ZNF225: variants seen among roughly 807,000 people sequenced by gnomAD.
The protein encoded by ZNF225 is zinc finger protein 225.
A neutral mutation model predicts 12.0 loss-of-function variants in ZNF225; 6 were observed. The ratio of observed to expected loss-of-function variants is 0.50; its 90% confidence interval spans 0.27 to 0.98. The LOEUF (loss-of-function observed/expected upper bound fraction) is 0.98. Ranked by LOEUF, ZNF225 falls within the 50% of genes least tolerant of loss-of-function variation. The pLI, the probability that ZNF225 is intolerant of heterozygous loss-of-function variation, is 0.11. For synonymous variants in ZNF225, 271 were observed against 283.2 expected, an observed-to-expected ratio of 0.96 and a Z score of 0.43; for missense variants, 763 against 848.2, an observed-to-expected ratio of 0.90 and a Z score of 1.25.
In ZNF225 at chr19:44,132,251, G is replaced by T; in HGVS notation, c.1637G>T (p.Gly546Val). Residue 546 changes from glycine (G) to valine (V), a missense_variant, in exon 5 of 5, where the codon GGG (glycine) becomes GTG (valine). Physicochemically the swap from Gly to Val is moderately radical, Grantham distance 109. Transcript: ENST00000262894. ...AAGCCATACAAATGTGAAGAGTGTG[G>T]GAAGGGCTTCAACAGTAAGTTTAAT... ...GVKPYKCEEC[G>V]KGFNSKFNLD... 6.2e-7 allele frequency: 1 copy of T among 1,614,040 alleles called. No homozygotes were observed. Among genetic ancestry groups the T allele is most frequent in the Non-Finnish European group, 8.5e-7 (1 of 1,180,024 alleles).
rs145291466 is a variant in ZNF225 at position 44,132,021 on chromosome 19, G to A, written c.1407G>A (p.Ser469=). Reference sequence around the variant, plus strand: ...GTGGGAAGAGCTTTGGCTGGGCCTCGTGTCTTTTGAATCATCAGAGAATCC... The same window carrying A: ...GTGGGAAGAGCTTTGGCTGGGCCTCATGTCTTTTGAATCATCAGAGAATCC... ...KECGKSFGWA[S]CLLNHQRIHS... Residue 469 remains serine (S), a synonymous_variant, in exon 5 of 5, where the codon TCG becomes TCA. Transcript: ENST00000262894. 342 of 1,611,086 alleles carry A rather than the reference G, an allele frequency of 2.1e-4. No homozygotes were observed. The African/African-American group carries it at 4.0e-3, about 19-fold the overall frequency.
At chr19:44,113,334 C>T (rs546631411), upstream of ZNF225, 3 of 152,302 alleles carry the variant, frequency 2.0e-5, no homozygotes, top group Non-Finnish European at 4.4e-5. Flanking sequence ...AAGTGTAGTC[C>T]AGACGCTCGG....
chr19:44,121,099 G>A (rs891604136), intron 4 of ZNF225, among the ~76,000 whole-genome samples: 11 of 151,982 alleles, frequency 7.2e-5, no homozygotes, highest in Admixed American at 4.6e-4. Flanking sequence ...GGGTTTTACC[G>A]TGTTAGCCAG....
intron 4 of ZNF225, among the ~76,000 whole-genome samples, chr19:44,119,570 T>C (rs1968012915): frequency 6.6e-6 from 1 of 152,214 alleles, no homozygotes; most frequent in Non-Finnish European, 1.5e-5. Flanking sequence ...ACTCTGCCAC[T>C]CTTCTTATGC....
At position 44,131,518 on chromosome 19, in the gene ZNF225, A is replaced by G; in HGVS notation, c.904A>G (p.Asn302Asp). Residue 302 changes from asparagine to aspartate, a missense_variant, in exon 5 of 5, where the codon AAT becomes GAT. Physicochemically the swap from Asn to Asp is conservative, Grantham distance 23. Coordinates refer to ENST00000262894, the MANE Select transcript of ZNF225 (RefSeq NM_013362.4). ...ICCKSFRSRANLNRHSMVHMR... is the reference protein window; with the variant it reads ...ICCKSFRSRADLNRHSMVHMR... Reference sequence around the variant, plus strand: ...TTGTAAGAGCTTCCGTAGTAGAGCAAATCTTAATAGGCATTCCATGGTTCA... The same window carrying G: ...TTGTAAGAGCTTCCGTAGTAGAGCAGATCTTAATAGGCATTCCATGGTTCA... The G allele has an allele frequency of 3.7e-6, 6 of 1,614,146 alleles. No individual in the cohort carries two copies. Among genetic ancestry groups the G allele is most frequent in the Non-Finnish European group, 5.1e-6 (6 of 1,180,008 alleles).
chr19:44,122,670 C>G (rs1968077333), intron 4 of ZNF225, among the ~76,000 whole-genome samples: 1 of 152,142 alleles, frequency 6.6e-6, no homozygotes. Context: ...TGTATGATTT[C>G]TTTCAGCAGC....
In ZNF225 at chr19:44,131,033, TA is replaced by T. The variant is rs768327804; in HGVS notation, c.421del (p.Ile141PhefsTer3). On this transcript the variant is annotated frameshift_variant, in exon 5 of 5. Transcript: ENST00000262894. LOFTEE classifies it low-confidence loss of function (END_TRUNC). ...TGCCAGGTTGATGCAGGACTATCTA[TA>T]ATTCACGTAAGACAGAAACCTTCTG... ...MPCQVDAGLSIIHVRQKPSEG... is the reference protein window; with the variant it reads ...MPCQVDAGLSXIHVRQKPSEG... 4 of 1,613,966 alleles carry T rather than the reference TA, an allele frequency of 2.5e-6. No individual in the cohort carries two copies. The East Asian group carries it at 8.9e-5, about 36-fold the overall frequency.
chr19:44,114,807 G>T (rs564290678), intron 1 of ZNF225, among the ~76,000 whole-genome samples: 1 of 152,344 alleles, frequency 6.6e-6, no homozygotes, highest in Admixed American at 6.5e-5. Context: ...ACCGTGCCCA[G>T]CCTGAAGTGG....
rs775673893 is a variant in ZNF225 at position 44,131,970 on chromosome 19, A to G, written c.1356A>G (p.Gly452=). 9.3e-6 allele frequency: 15 copies of G among 1,613,752 alleles called. No homozygotes were observed. In the Admixed American group the frequency reaches 2.3e-4, roughly 25 times the overall value. The part of the protein sequence containing the change: ...DLDFHQRVHR[G]EKPYNCKECG... ...ACTTTCATCAGAGGGTCCACAGAGG[A>G]GAGAAACCCTATAATTGTAAGGAAT... Residue 452 remains glycine, a synonymous_variant, in exon 5 of 5, where the codon GGA becomes GGG. Transcript: ENST00000262894.
intron 4 of ZNF225, among the ~76,000 whole-genome samples, chr19:44,126,969 C>T (rs1487401636): frequency 6.6e-6 from 1 of 152,240 alleles, no homozygotes; most frequent in Non-Finnish European, 1.5e-5. Context: ...TACCACCTCT[C>T]AGCTGCAAAA....
At position 44,127,734 on chromosome 19, in the gene ZNF225, G is replaced by A. The variant is rs532990432; in HGVS notation, c.236-3116G>A. Among the ~76,000 whole-genome samples, 11 of 152,040 alleles carry A rather than the reference G, an allele frequency of 7.2e-5. No homozygotes were observed. The East Asian group carries it at 1.4e-3, about 19-fold the overall frequency. Reference sequence around the variant, plus strand: ...GCCATGTCGGCTCACTGTAGCCTCCGTGTCCCGGGTTCAAGTGATTCTCCT... The same window carrying A: ...GCCATGTCGGCTCACTGTAGCCTCCATGTCCCGGGTTCAAGTGATTCTCCT... On this transcript the variant is annotated intron_variant, in intron 4 of 4. Transcript: ENST00000262894.
chr19:44,112,623 T>C (rs1967854876), upstream of ZNF225, among the ~76,000 whole-genome samples: 1 of 152,208 alleles, frequency 6.6e-6, no homozygotes, highest in Non-Finnish European at 1.5e-5. Flanking sequence ...TGAGCAATAT[T>C]TGATACAATG....
In ZNF225 at chr19:44,115,942, A is replaced by T. The variant is rs891892201; in HGVS notation, c.15+100A>T. On this transcript the variant is annotated intron_variant, in intron 2 of 4. Transcript: ENST00000262894. ...AGTGGCCTGATTTTGGCTCATTGCAACCTCCACCTCCGGAGTTCAAGTGAT... is the reference window on the plus strand; with the variant it reads ...AGTGGCCTGATTTTGGCTCATTGCATCCTCCACCTCCGGAGTTCAAGTGAT... 47 of 1,195,194 alleles carry T rather than the reference A, an allele frequency of 3.9e-5. No individual in the cohort carries two copies. In the African/African-American group the frequency reaches 7.0e-4, roughly 18 times the overall value. 74.0% of individuals were successfully genotyped at this position (1,195,194 alleles called of 1,614,324 possible).
chr19:44,115,748 G>T lies in ZNF225; in HGVS notation c.-68-12G>T. 1 of 1,437,628 alleles carries T rather than the reference G, an allele frequency of 7.0e-7. No homozygotes were observed. 89.1% of individuals were successfully genotyped at this position (1,437,628 alleles called of 1,614,324 possible). A position where few individuals can be genotyped will look rare whatever the true frequency, so the allele number is the denominator to read the frequency against. Reference sequence around the variant, plus strand: ...TCATGTCTCTTTTTCTGCCTTCCCTGGTACTTTCCAGGCAGGATTCTGCTT... The same window carrying T: ...TCATGTCTCTTTTTCTGCCTTCCCTTGTACTTTCCAGGCAGGATTCTGCTT... On this transcript the variant is annotated splice_polypyrimidine_tract_variant and intron_variant, in intron 1 of 4. Transcript: ENST00000262894.
chr19:44,112,700 C>T (rs1452173823), upstream of ZNF225: 1 of 152,124 alleles, frequency 6.6e-6, no homozygotes, highest in Non-Finnish European at 1.5e-5. Context: ...GAAATGTGGG[C>T]AAACTATTTG....
intron 4 of ZNF225, among the ~76,000 whole-genome samples, chr19:44,128,092 T>C (rs1298432926): frequency 1.4e-5 from 2 of 145,936 alleles, no homozygotes; most frequent in Non-Finnish European, 2.9e-5. Context: ...ATCTGCAGCC[T>C]GTTTGCCTCT....
At chr19:44,112,285 G>C (rs1967847357), upstream of ZNF225, 1 of 152,152 alleles carries the variant, frequency 6.6e-6, no homozygotes. Flanking sequence ...TAACATGATT[G>C]GCACAACTGC....
Position 44,131,817 on chromosome 19 carries a change from A to G in ZNF225, c.1203A>G (p.Lys401=), listed in dbSNP as rs368504700. The G allele has an allele frequency of 3.7e-6, 6 of 1,614,172 alleles. No individual in the cohort carries two copies. The highest frequency in any genetic ancestry group is 5.1e-6 in the Non-Finnish European group (6 of 1,180,014). The change falls in exon 5 of 5, where the codon AAA becomes AAG. Residue 401 remains lysine, a synonymous_variant. Transcript: ENST00000262894. ...TCCACAGTGGAGAGACAACATTCAA[A>G]TGTGAAGAATGTGGGAAGGGATTTT... is the stretch of plus-strand genomic sequence containing the variant. The part of the protein sequence containing the change: ...VRVHSGETTF[K]CEECGKGFYT...
In ZNF225 at chr19:44,131,653, G is replaced by T; in HGVS notation, c.1039G>T (p.Glu347Ter). 6.2e-7 allele frequency: 1 copy of T among 1,614,140 alleles called. No individual in the cohort carries two copies. Among genetic ancestry groups the T allele is most frequent in the East Asian group, 2.2e-5 (1 of 44,872 alleles). ...VHTGEKRYKC[E>*]ECGKRFIYRQ... ...CACAGGAGAGAAACGGTACAAATGTGAGGAATGTGGAAAACGCTTCATTTA... is the reference window on the plus strand; with the variant it reads ...CACAGGAGAGAAACGGTACAAATGTTAGGAATGTGGAAAACGCTTCATTTA... Residue 347 changes from glutamate (E) to a stop codon, truncating the protein, a stop_gained, in exon 5 of 5, where the codon GAG becomes TAG. Transcript: ENST00000262894. LOFTEE classifies it low-confidence loss of function (END_TRUNC).
Sources: allele counts gnomAD v4.1 joint callset (sites outside exome capture counted in the v4.1 genomes callset), GRCh38; gene constraint gnomAD v4.1.1; transcripts MANE v1.5; gene names NCBI Gene and HGNC (gene_info 2026-07-23, HGNC 2026-07-21).